SYNE1: variants seen among roughly 807,000 people sequenced by gnomAD.
The protein encoded by SYNE1 is spectrin repeat containing nuclear envelope protein 1.
SYNE1 carries 616 observed loss-of-function variants against 1,111.0 expected under a neutral mutation model. That is an observed-to-expected ratio of 0.55 (90% CI 0.52 to 0.59). The LOEUF (loss-of-function observed/expected upper bound fraction) is 0.59. Ranked by LOEUF, SYNE1 falls within the 20% of genes least tolerant of loss-of-function variation. The pLI is 0.00. For missense variants in SYNE1, 10,006 were observed against 10,417.0 expected (o/e 0.96, Z 1.72); for synonymous variants, 3,855 against 3,825.8 (o/e 1.01, Z -0.28).
Position 152,151,998 on chromosome 6 carries a change from G to A in SYNE1, c.24273C>T (p.Asn8091=), listed in dbSNP as rs774885671. ...MVHEGNQRWD[N]LQKRVTSILR... is the part of the protein sequence containing the mutation. Reference sequence around the variant, plus strand: ...AGATGGAGGTGACACGCTTTTGCAGGTTGTCCCATCTCTGGTTGCCTTCGT... The same window carrying A: ...AGATGGAGGTGACACGCTTTTGCAGATTGTCCCATCTCTGGTTGCCTTCGT... Residue 8091 remains asparagine, a synonymous_variant, in exon 134 of 146, where the codon AAC becomes AAT. Coordinates refer to ENST00000367255, the MANE Select transcript of SYNE1 (RefSeq NM_182961.4). The A allele has an allele frequency of 1.1e-5, 17 of 1,614,172 alleles. No individual in the cohort carries two copies. In the East Asian group the frequency reaches 3.6e-4, roughly 34 times the overall value.
chr6:152,519,583 T>G (rs1219902053), intron 6 of SYNE1, among the ~76,000 whole-genome samples: 1 of 152,176 alleles, frequency 6.6e-6, no homozygotes, highest in African/African-American at 2.4e-5. Flanking sequence ...GGGGAGGACA[T>G]CTTTTTCTTA....
At chr6:152,142,060 G>T (rs975663422) in intron 138 of SYNE1, among the ~76,000 whole-genome samples, 1 of 152,000 alleles carries the variant, frequency 6.6e-6, no homozygotes, top group African/African-American at 2.4e-5. Flanking sequence ...GTGACAGAGT[G>T]TGAGACCCTG....
chr6:152,540,626 G>A (rs1446921399), intron 3 of SYNE1, among the ~76,000 whole-genome samples: 1 of 152,230 alleles, frequency 6.6e-6, no homozygotes, highest in Non-Finnish European at 1.5e-5. Context: ...TTTGTGTCTA[G>A]CCAATAGGAT....
At chr6:152,172,045 T>C (rs1004661264) in intron 130 of SYNE1, among the ~76,000 whole-genome samples, 6 of 152,252 alleles carry the variant, frequency 3.9e-5, no homozygotes, top group South Asian at 2.1e-4. Context: ...ATAATAAATA[T>C]AGAGATTAAA....
rs147582727 is a variant in SYNE1 at position 152,215,722 on chromosome 6, C to T, written c.22192-662G>A. 2.2e-3 allele frequency among the ~76,000 whole-genome samples: 342 copies of T among 152,280 alleles called. 2 individuals carry two copies. The highest frequency in any genetic ancestry group is 0.013 in the East Asian group (69 of 5,184). On this transcript the variant is annotated intron_variant, in intron 121 of 145. Transcript: ENST00000367255. Reference sequence around the variant, plus strand: ...CTTTACAAGTAAGAACTCATTTTATCCTCAAAACGATCACATAAGATAAGT... The same window carrying T: ...CTTTACAAGTAAGAACTCATTTTATTCTCAAAACGATCACATAAGATAAGT...
chr6:152,305,042 A>G (rs755887939), intron 91 of SYNE1, among the ~76,000 whole-genome samples: 5 of 152,160 alleles, frequency 3.3e-5, no homozygotes, highest in Non-Finnish European at 5.9e-5. Flanking sequence ...ACTTGGTTTA[A>G]TGTTACCCAT....
In SYNE1 at chr6:152,381,042, C is replaced by T. The variant is rs146424389; in HGVS notation, c.8973G>A (p.Thr2991=). 1.8e-3 allele frequency: 2,891 copies of T among 1,614,108 alleles called. 9 individuals are homozygous for T. The highest frequency in any genetic ancestry group is 2.2e-3 in the Non-Finnish European group (2,540 of 1,179,994). The change falls in exon 56 of 146, where the codon ACG becomes ACA. Residue 2991 remains threonine, a synonymous_variant. Coordinates refer to ENST00000367255, the MANE Select transcript of SYNE1 (RefSeq NM_182961.4). The stretch of plus-strand genomic sequence containing the variant: ...GCCAGCATTCCACTATCTCCTCATC[C>T]GTGTTCTTGCCTTCCAGGAGGGTTA... ...QQLTLLEGKN[T]DEEIVECWHK...
At chr6:152,384,680 A>C in intron 55 of SYNE1, among the ~76,000 whole-genome samples, 1 of 152,146 alleles carries the variant, frequency 6.6e-6, no homozygotes, top group East Asian at 1.9e-4. Flanking sequence ...GTTTGAGATC[A>C]GCCTGGCCAA....
intron 130 of SYNE1, among the ~76,000 whole-genome samples, 198 bp downstream of exon 130, chr6:152,176,196 T>C (rs1330227755): frequency 2.0e-5 from 3 of 152,088 alleles, no homozygotes; most frequent in South Asian, 2.1e-4. Context: ...ACAAACAACA[T>C]GAGATTTATA....
intron 3 of SYNE1, among the ~76,000 whole-genome samples, chr6:152,596,846 C>T (rs572041031): frequency 6.6e-5 from 10 of 152,190 alleles, no homozygotes; most frequent in Non-Finnish European, 1.2e-4. Context: ...TACAGACTTT[C>T]GAACTTACCA....
chr6:152,453,417 A>C, intron 25 of SYNE1, 169 bp downstream of exon 25: 1 of 855,426 alleles, frequency 1.2e-6, no homozygotes, highest in Non-Finnish European at 1.9e-6. Context: ...CAATTCTATC[A>C]TATATTATCA....
chr6:152,606,659 G>A (rs1187616272), intron 3 of SYNE1, among the ~76,000 whole-genome samples: 3 of 152,020 alleles, frequency 2.0e-5, no homozygotes, highest in Non-Finnish European at 4.4e-5. Flanking sequence ...TTGTTTGTTT[G>A]TTTTTTGAGA....
chr6:152,397,557 T>C (rs1423867211), intron 49 of SYNE1, among the ~76,000 whole-genome samples: 3 of 152,174 alleles, frequency 2.0e-5, no homozygotes, highest in Admixed American at 6.5e-5. Context: ...AGGAGACAAT[T>C]CTACATCTGA....
At chr6:152,537,811 C>G (rs1416354147) in intron 4 of SYNE1, among the ~76,000 whole-genome samples, 1 of 152,174 alleles carries the variant, frequency 6.6e-6, no homozygotes, top group African/African-American at 2.4e-5. Flanking sequence ...GCTCCCAGTG[C>G]TCCCAAGATA....
rs559673647 is a variant in SYNE1, at chr6:152,490,740, T to A, written c.940-2237A>T. On this transcript the variant is annotated intron_variant, in intron 11 of 145. Coordinates refer to ENST00000367255, the MANE Select transcript of SYNE1 (RefSeq NM_182961.4). ...GTTGGGCTCTTCACACGGACACACG[T>A]GACATTTGGTGCTGAAGATCTGGGA... 2.0e-5 allele frequency among the ~76,000 whole-genome samples: 3 copies of A among 152,280 alleles called. No homozygotes were observed. In the South Asian group the frequency reaches 6.2e-4, roughly 32 times the overall value.
At position 152,258,018 on chromosome 6, in the gene SYNE1, C is replaced by T. The variant is rs575257054; in HGVS notation, c.18973-1253G>A. Among the ~76,000 whole-genome samples the T allele has an allele frequency of 5.3e-5, 8 of 152,184 alleles. No individual in the cohort carries two copies. The South Asian group carries it at 1.5e-3, about 28-fold the overall frequency. On this transcript the variant is annotated intron_variant, in intron 101 of 145. Transcript: ENST00000367255. Reference sequence around the variant, plus strand: ...AAAACTAAATAATTCTTCTGGCATCCATACAGAGAACAATGACAAAAAATA... The same window carrying T: ...AAAACTAAATAATTCTTCTGGCATCTATACAGAGAACAATGACAAAAAATA...
Position 152,148,178 on chromosome 6 carries a change from G to T in SYNE1, c.24843C>A (p.Ile8281=), listed in dbSNP as rs1236314314. 1 of 1,614,210 alleles carries T rather than the reference G, an allele frequency of 6.2e-7. No homozygotes were observed. The highest frequency in any genetic ancestry group is 8.5e-7 in the Non-Finnish European group (1 of 1,180,032). ...GRDTPASVDS[I]PLEWDHDYDL... ...CATAGTCGTGATCCCACTCCAGGGG[G>T]ATGGAGTCCACACTAGCCGGGGTGT... Residue 8281 remains isoleucine, a synonymous_variant, in exon 137 of 146, where the codon ATC becomes ATA. Coordinates refer to ENST00000367255, the MANE Select transcript of SYNE1 (RefSeq NM_182961.4). The surrounding 1 kb of genome is among the most constrained non-coding windows in gnomAD (Gnocchi z 4.1).
At chr6:152,264,091 C>T (rs2092412016) in intron 100 of SYNE1, among the ~76,000 whole-genome samples, 1 of 150,510 alleles carries the variant, frequency 6.6e-6, no homozygotes, top group African/African-American at 2.4e-5. Context: ...CACCTGTTGT[C>T]CCAGCTACTC....
In SYNE1 at chr6:152,465,969, T is replaced by C; in HGVS notation, c.1729+13A>G. 6.3e-7 allele frequency: 1 copy of C among 1,584,290 alleles called. No homozygotes were observed. On this transcript the variant is annotated intron_variant, in intron 17 of 145. Transcript: ENST00000367255. ...GCAGTCTACGTTGCAACAAATTCTG[T>C]AGTATGTTTTACCTGAACCATCTGC...
Sources: gnomAD v4.1 joint callset for allele counts (sites outside exome capture counted in the v4.1 genomes callset) on GRCh38, gnomAD v4.1.1 for gene constraint, Gnocchi (gnomAD v3.1) non-coding constraint, MANE v1.5 for transcripts, NCBI Gene and HGNC (gene_info 2026-07-23, HGNC 2026-07-21) for gene names.